NKX6-2: variants seen among roughly 807,000 people sequenced by gnomAD.
The protein encoded by NKX6-2 is homeobox protein Nkx-6.2.
Under a neutral mutation model 19.9 loss-of-function variants are expected in NKX6-2, and 22 were observed. The observed-to-expected ratio is 1.10, with a 90% CI of 0.79 to 1.58. NKX6-2 has a LOEUF of 1.58. Ranked by LOEUF, NKX6-2 falls within the 40% of genes most tolerant of loss-of-function variation. NKX6-2 has a pLI of 0.00. For synonymous variants in NKX6-2, 257 were observed against 204.0 expected (o/e 1.26, Z -2.21); for missense variants, 475 against 410.6 (o/e 1.16, Z -1.35).
Position 132,786,004 on chromosome 10 carries a change from G to C in NKX6-2, c.-56C>G. The C allele has an allele frequency of 2.3e-6, 1 of 430,716 alleles. No individual in the cohort carries two copies. Among genetic ancestry groups the C allele is most frequent in the Non-Finnish European group, 3.3e-6 (1 of 299,124 alleles). 26.7% of individuals were successfully genotyped at this position (430,716 alleles called of 1,614,324 possible). On this transcript the variant is annotated 5_prime_UTR_variant, in exon 1 of 3. Transcript: ENST00000368592. ...TCCGGGCCCCGCCGCCGCCGCCCCTGCCCGCCGGCCCGGGAAGTTTGCGCG... is the reference window on the plus strand; with the variant it reads ...TCCGGGCCCCGCCGCCGCCGCCCCTCCCCGCCGGCCCGGGAAGTTTGCGCG...
Position 132,785,292 on chromosome 10 carries a change from C to A in NKX6-2, c.567G>T (p.Glu189Asp). 1 of 1,605,824 alleles carries A rather than the reference C, an allele frequency of 6.2e-7. No individual in the cohort carries two copies. Among genetic ancestry groups the A allele is most frequent in the Non-Finnish European group, 8.5e-7 (1 of 1,177,326 alleles). The change falls in exon 2 of 3, where the codon GAG (glutamate) becomes GAT (aspartate). Residue 189 changes from glutamate (E) to aspartate (D), a missense_variant. Physicochemically the swap from Glu to Asp is conservative, Grantham distance 45 (BLOSUM62 2). Coordinates refer to ENST00000368592, the MANE Select transcript of NKX6-2 (RefSeq NM_177400.3). The surrounding 1 kb of genome is among the most constrained non-coding windows in gnomAD (Gnocchi z 5.5). ...ARLAYSLGMT[E>D]SQVKVWFQNR... ...CCGCCGCGCTCACCTTCACCTGGCT[C>A]TCGGTCATGCCCAGCGAGTAGGCGA...
Position 132,785,123 on chromosome 10 carries a change from C to T in NKX6-2, c.627G>A (p.Val209=). The T allele has an allele frequency of 2.5e-6, 4 of 1,612,100 alleles. No individual in the cohort carries two copies. Among genetic ancestry groups the T allele is most frequent in the Non-Finnish European group, 2.5e-6 (3 of 1,179,514 alleles). ...GCTTCTTCTTGGCCGACGCCATCTC[C>T]ACCGCGTGCCGCTTGCGCCACTTGG... ...RRTKWRKRHA[V]EMASAKKKQD... The change falls in exon 3 of 3, where the codon GTG becomes GTA. Residue 209 remains valine, a synonymous_variant. Coordinates refer to ENST00000368592, the MANE Select transcript of NKX6-2 (RefSeq NM_177400.3). The surrounding 1 kb of genome is among the most constrained non-coding windows in gnomAD (Gnocchi z 5.5).
rs1847233088 is a variant in NKX6-2 at position 132,785,006 on chromosome 10, G to A, written c.744C>T (p.Asp248=). Residue 248 remains aspartate, a synonymous_variant, in exon 3 of 3, where the codon GAC becomes GAT. Transcript: ENST00000368592. The surrounding 1 kb of genome is among the most constrained non-coding windows in gnomAD (Gnocchi z 5.5). ...TCTTGAGCAGCCGCGTGATCTTCTC[G>A]TCGTCCGAGTTGGGGTCCAGGGGCC... is the stretch of plus-strand genomic sequence containing the variant. The part of the protein sequence containing the change: ...YNRPLDPNSD[D]EKITRLLKKH... The A allele has an allele frequency of 6.2e-7, 1 of 1,611,630 alleles. No individual in the cohort carries two copies. The highest frequency in any genetic ancestry group is 8.5e-7 in the Non-Finnish European group (1 of 1,178,624).
Position 132,785,630 on chromosome 10 carries a change from G to T in NKX6-2, c.319C>A (p.Leu107Met). ...AAVARGYPKP[L>M]AELPGRPPIF... ...GGCGGGCGCCCCGGCAGCTCGGCCA[G>T]GGGCTTGGGGTAGCCGCGCGCCACA... Residue 107 changes from leucine (L) to methionine (M), a missense_variant, in exon 1 of 3, where the codon CTG becomes ATG. By Grantham distance (15) the Leu-to-Met change is conservative (BLOSUM62 2). Transcript: ENST00000368592. The surrounding 1 kb of genome is among the most constrained non-coding windows in gnomAD (Gnocchi z 5.5). 1 of 1,240,810 alleles carries T rather than the reference G, an allele frequency of 8.1e-7. No homozygotes were observed. Among genetic ancestry groups the T allele is most frequent in the Non-Finnish European group, 1.0e-6 (1 of 995,506 alleles). 76.9% of individuals were successfully genotyped at this position (1,240,810 alleles called of 1,614,324 possible).
rs781138890 is a variant in NKX6-2 at position 132,785,028 on chromosome 10, G to A, written c.722C>T (p.Pro241Leu). The change falls in exon 3 of 3, where the codon CCC (proline) becomes CTC (leucine). Residue 241 changes from proline to leucine, a missense_variant. Pro to Leu is a moderately conservative substitution (Grantham distance 98, BLOSUM62 -3). Transcript: ENST00000368592. The surrounding 1 kb of genome is among the most constrained non-coding windows in gnomAD (Gnocchi z 5.5). ...DAEDDDEYNR[P>L]LDPNSDDEKI... ...CTCGTCGTCCGAGTTGGGGTCCAGG[G>A]GCCGGTTGTATTCGTCGTCGTCCTC... 2.1e-5 allele frequency: 34 copies of A among 1,609,888 alleles called. No homozygotes were observed. The highest frequency in any genetic ancestry group is 1.8e-4 in the Admixed American group (11 of 60,006).
Position 132,785,116 on chromosome 10 carries a change from C to G in NKX6-2, c.634G>C (p.Ala212Pro). 6.2e-7 allele frequency: 1 copy of G among 1,612,030 alleles called. No individual in the cohort carries two copies. The highest frequency in any genetic ancestry group is 8.5e-7 in the Non-Finnish European group (1 of 1,179,400). ...GAGTCCTGCTTCTTCTTGGCCGACG[C>G]CATCTCCACCGCGTGCCGCTTGCGC... ...KWRKRHAVEM[A>P]SAKKKQDSDA... The change falls in exon 3 of 3, where the codon GCG becomes CCG. Residue 212 changes from alanine to proline, a missense_variant. Ala to Pro is a conservative substitution (Grantham distance 27). Transcript: ENST00000368592. This position sits in a 1 kb window ranked among gnomAD's most constrained non-coding sequence, Gnocchi z 5.5.
rs1847259400 is a variant in NKX6-2 at position 132,785,868 on chromosome 10, CGTCTTCATCTCG to C, written c.69_80del (p.Glu24_Thr27del). ...CCTGCAGCGCGTAGGGGAACAGCGACGTCTTCATCTCGGCCATGTTGTGCAGCGCGGCCAGCG... is the reference window on the plus strand; with the variant it reads ...CCTGCAGCGCGTAGGGGAACAGCGACGCCATGTTGTGCAGCGCGGCCAGCG... On this transcript the variant is annotated inframe_deletion, in exon 1 of 3. Transcript: ENST00000368592. The surrounding 1 kb of genome is among the most constrained non-coding windows in gnomAD (Gnocchi z 5.5). 2.2e-6 allele frequency: 3 copies of C among 1,380,978 alleles called. No individual in the cohort carries two copies. Among genetic ancestry groups the C allele is most frequent in the Admixed American group, 4.9e-5 (2 of 41,204 alleles). The allele number at this position is 1,380,978 out of a possible 1,614,324, so 85.5% of individuals were successfully genotyped here. A position where few individuals can be genotyped will look rare whatever the true frequency, so the allele number is the denominator to read the frequency against.
Position 132,783,605 on chromosome 10 carries a change from G to A in NKX6-2, c.*1311C>T, listed in dbSNP as rs1234937562. 1.3e-5 allele frequency: 2 copies of A among 152,220 alleles called. No homozygotes were observed. Among genetic ancestry groups the A allele is most frequent in the Non-Finnish European group, 2.9e-5 (2 of 68,034 alleles). 9.4% of individuals were successfully genotyped at this position (152,220 alleles called of 1,614,324 possible). On this transcript the variant is annotated 3_prime_UTR_variant, in exon 3 of 3. Coordinates refer to ENST00000368592, the MANE Select transcript of NKX6-2 (RefSeq NM_177400.3). ...TCATTAGAAATCCTGGAATTTCACT[G>A]TATCACACGCTGTCACAAAACACTA...
rs1343527747 is a variant in NKX6-2 at position 132,785,001 on chromosome 10, T to G, written c.749A>C (p.Lys250Thr). ...RPLDPNSDDE[K>T]ITRLLKKHKP... is the part of the protein sequence containing the mutation. ...GTGCTTCTTGAGCAGCCGCGTGATCTTCTCGTCGTCCGAGTTGGGGTCCAG... is the reference window on the plus strand; with the variant it reads ...GTGCTTCTTGAGCAGCCGCGTGATCGTCTCGTCGTCCGAGTTGGGGTCCAG... The change falls in exon 3 of 3, where the codon AAG (lysine) becomes ACG (threonine). Residue 250 changes from lysine (K) to threonine (T), a missense_variant. By Grantham distance (78) the Lys-to-Thr change is moderately conservative. Coordinates refer to ENST00000368592, the MANE Select transcript of NKX6-2 (RefSeq NM_177400.3). This position sits in a 1 kb window ranked among gnomAD's most constrained non-coding sequence, Gnocchi z 5.5. The G allele has an allele frequency of 6.2e-7, 1 of 1,612,284 alleles. No homozygotes were observed.
Position 132,784,877 on chromosome 10 carries a change from G to T in NKX6-2, c.*39C>A, listed in dbSNP as rs772017421. ...TCGCGCCCACCCGGGGCCGCCCCCG[G>T]ATTCTGCAAAAATAGATTCGCCCCC... is the stretch of plus-strand genomic sequence containing the variant. On this transcript the variant is annotated 3_prime_UTR_variant, in exon 3 of 3. Transcript: ENST00000368592. 16 of 1,568,796 alleles carry T rather than the reference G, an allele frequency of 1.0e-5. No homozygotes were observed. In the East Asian group the frequency reaches 3.4e-4, roughly 33 times the overall value.
rs959043352 is a variant in NKX6-2 at position 132,783,667 on chromosome 10, C to G, written c.*1249G>C. On this transcript the variant is annotated 3_prime_UTR_variant, in exon 3 of 3. Transcript: ENST00000368592. Reference sequence around the variant, plus strand: ...GAGAGGAGAAACACAGCCTTTTGGACTTTCTACTGTAATAAAGGATTTATC... The same window carrying G: ...GAGAGGAGAAACACAGCCTTTTGGAGTTTCTACTGTAATAAAGGATTTATC... 6.6e-6 allele frequency: 1 copy of G among 152,148 alleles called. No individual in the cohort carries two copies. The highest frequency in any genetic ancestry group is 6.5e-5 in the Admixed American group (1 of 15,280). 9.4% of individuals were successfully genotyped at this position (152,148 alleles called of 1,614,324 possible).
rs1308820819 is a variant in NKX6-2 at position 132,784,755 on chromosome 10, G to A, written c.*161C>T. The A allele has an allele frequency of 1.6e-6, 1 of 634,070 alleles. No homozygotes were observed. 39.3% of individuals were successfully genotyped at this position (634,070 alleles called of 1,614,324 possible). On this transcript the variant is annotated 3_prime_UTR_variant, in exon 3 of 3. Transcript: ENST00000368592. ...GCCGGGGCCGGGGAGGGGCCGCCTC[G>A]CTCCGGGTTCGAGACGGAAGAAACA...
chr10:132,785,344 T>C lies in NKX6-2; in HGVS notation c.515A>G (p.Tyr172Cys). The change falls in exon 2 of 3, where the codon TAC becomes TGC. Residue 172 changes from tyrosine to cysteine, a missense_variant. Physicochemically the swap from Tyr to Cys is radical, Grantham distance 194. Coordinates refer to ENST00000368592, the MANE Select transcript of NKX6-2 (RefSeq NM_177400.3). The surrounding 1 kb of genome is among the most constrained non-coding windows in gnomAD (Gnocchi z 5.5). The stretch of plus-strand genomic sequence containing the variant: ...ACGCGCGCGCTCCGGGCCCGCCAGG[T>C]ACTTGGTCTGCTCGAAGGTTTTCTC... Reference protein sequence around the residue: ...ALEKTFEQTKYLAGPERARLA... With the variant: ...ALEKTFEQTKCLAGPERARLA... 1 of 1,606,602 alleles carries C rather than the reference T, an allele frequency of 6.2e-7. No homozygotes were observed.
rs768171810 is a variant in NKX6-2, at chr10:132,784,910, G to A, written c.*6C>T. 3 of 1,609,908 alleles carry A rather than the reference G, an allele frequency of 1.9e-6. No homozygotes were observed. The African/African-American group carries it at 4.0e-5, about 21-fold the overall frequency. ...AAAAATAGATTCGCCCCCACCCCGC[G>A]GGTCCTCACAAGGCGTCCCCCGCGC... is the stretch of plus-strand genomic sequence containing the variant. On this transcript the variant is annotated 3_prime_UTR_variant, in exon 3 of 3. Transcript: ENST00000368592.
rs753608135 is a variant in NKX6-2, at chr10:132,785,869, G to C, written c.80C>G (p.Thr27Arg). 8.7e-6 allele frequency: 12 copies of C among 1,382,194 alleles called. No homozygotes were observed. The highest frequency in any genetic ancestry group is 1.9e-4 in the Middle Eastern group (1 of 5,288). 85.6% of individuals were successfully genotyped at this position (1,382,194 alleles called of 1,614,324 possible). The part of the protein sequence containing the change: ...AALHNMAEMK[T>R]SLFPYALQGP... The stretch of plus-strand genomic sequence containing the variant: ...CTGCAGCGCGTAGGGGAACAGCGAC[G>C]TCTTCATCTCGGCCATGTTGTGCAG... Residue 27 changes from threonine to arginine, a missense_variant, in exon 1 of 3, where the codon ACG becomes AGG. Thr to Arg is a moderately conservative substitution (Grantham distance 71, BLOSUM62 -1). Transcript: ENST00000368592. This position sits in a 1 kb window ranked among gnomAD's most constrained non-coding sequence, Gnocchi z 5.5.
Position 132,785,944 on chromosome 10 carries a change from TC to T in NKX6-2, c.4del (p.Asp2ThrfsTer10). ...CACGAACGCGCCCGGGCGGTTAGTG[TC>T]CATGGGCGCCGCCGCCGCCGGCCCG... MDTNRPGAFVLS... is the reference protein window; with the variant it reads MXTNRPGAFVLS... On this transcript the variant is annotated frameshift_variant, in exon 1 of 3. Transcript: ENST00000368592. LOFTEE classifies it high-confidence loss of function. The surrounding 1 kb of genome is among the most constrained non-coding windows in gnomAD (Gnocchi z 5.5). The T allele has an allele frequency of 8.9e-7, 1 of 1,125,734 alleles. No individual in the cohort carries two copies. The highest frequency in any genetic ancestry group is 1.1e-6 in the Non-Finnish European group (1 of 871,434). The allele number at this position is 1,125,734 out of a possible 1,614,324, so 69.7% of individuals were successfully genotyped here.
rs968927199 is a variant in NKX6-2 at position 132,783,914 on chromosome 10, C to G, written c.*1002G>C. On this transcript the variant is annotated 3_prime_UTR_variant, in exon 3 of 3. Coordinates refer to ENST00000368592, the MANE Select transcript of NKX6-2 (RefSeq NM_177400.3). ...CGCTTCCGCAAATGCCAAGAGAAATCGTACCACCGCAGTGATATCATTATT... is the reference window on the plus strand; with the variant it reads ...CGCTTCCGCAAATGCCAAGAGAAATGGTACCACCGCAGTGATATCATTATT... 6.6e-6 allele frequency: 1 copy of G among 152,256 alleles called. No homozygotes were observed. The highest frequency in any genetic ancestry group is 2.4e-5 in the African/African-American group (1 of 41,472). 9.4% of individuals were successfully genotyped at this position (152,256 alleles called of 1,614,324 possible). A position where few individuals can be genotyped will look rare whatever the true frequency, so the allele number is the denominator to read the frequency against.
At position 132,783,644 on chromosome 10, in the gene NKX6-2, G is replaced by A. The variant is rs970453129; in HGVS notation, c.*1272C>T. ...CACAAAACACTAAGCCGTTCATTGAGAGGAGAAACACAGCCTTTTGGACTT... is the reference window on the plus strand; with the variant it reads ...CACAAAACACTAAGCCGTTCATTGAAAGGAGAAACACAGCCTTTTGGACTT... On this transcript the variant is annotated 3_prime_UTR_variant, in exon 3 of 3. Coordinates refer to ENST00000368592, the MANE Select transcript of NKX6-2 (RefSeq NM_177400.3). 1 of 152,202 alleles carries A rather than the reference G, an allele frequency of 6.6e-6. No homozygotes were observed. The highest frequency in any genetic ancestry group is 2.4e-5 in the African/African-American group (1 of 41,448). 9.4% of individuals were successfully genotyped at this position (152,202 alleles called of 1,614,324 possible).
At position 132,785,747 on chromosome 10, in the gene NKX6-2, C is replaced by G; in HGVS notation, c.202G>C (p.Val68Leu). The stretch of plus-strand genomic sequence containing the variant: ...AGGAGGCCCCCGCCCGCCGCGCCCA[C>G]GGGCCGGCCCAGGATGTCGCTGATG... ...HGISDILGRP[V>L]GAAGGGLLGG... is the part of the protein sequence containing the mutation. Residue 68 changes from valine (V) to leucine (L), a missense_variant, in exon 1 of 3, where the codon GTG becomes CTG. Physicochemically the swap from Val to Leu is conservative, Grantham distance 32. Transcript: ENST00000368592. This position sits in a 1 kb window ranked among gnomAD's most constrained non-coding sequence, Gnocchi z 5.5. 8.1e-7 allele frequency: 1 copy of G among 1,233,566 alleles called. No individual in the cohort carries two copies. The highest frequency in any genetic ancestry group is 1.0e-6 in the Non-Finnish European group (1 of 990,252). The allele number at this position is 1,233,566 out of a possible 1,614,324, so 76.4% of individuals were successfully genotyped here. A position where few individuals can be genotyped will look rare whatever the true frequency, so the allele number is the denominator to read the frequency against.
Sources: gnomAD v4.1 joint callset for allele counts on GRCh38, gnomAD v4.1.1 for gene constraint, Gnocchi (gnomAD v3.1) non-coding constraint, MANE v1.5 for transcripts, NCBI Gene and HGNC (gene_info 2026-07-23, HGNC 2026-07-21) for gene names.